SPATA17: variants seen among roughly 807,000 people sequenced by gnomAD.
SPATA17 encodes spermatogenesis-associated protein 17.
A neutral mutation model predicts 62.2 loss-of-function variants in SPATA17; 53 were observed. That is an observed-to-expected ratio of 0.85 (90% CI 0.68 to 1.07). The LOEUF is 1.07. Ranked by LOEUF, SPATA17 falls within the 50% of genes least tolerant of loss-of-function variation. The pLI, the probability that SPATA17 is intolerant of heterozygous loss-of-function variation, is 0.00. For synonymous variants in SPATA17, 146 were observed against 146.8 expected (o/e 0.99, Z 0.04); for missense variants, 466 against 425.5 (o/e 1.10, Z -0.84).
chr1:217,778,822 T>A (rs1048125944), intron 7 of SPATA17, among the ~76,000 whole-genome samples: 1 of 152,192 alleles, frequency 6.6e-6, no homozygotes, highest in Non-Finnish European at 1.5e-5. Flanking sequence ...TAATATACTT[T>A]TAATGATGTG....
At chr1:217,707,072 G>A (rs910878472) in intron 5 of SPATA17, among the ~76,000 whole-genome samples, 2 of 151,978 alleles carry the variant, frequency 1.3e-5, no homozygotes, top group Admixed American at 6.6e-5. Flanking sequence ...TCACCGTATT[G>A]GTCCGGCTTG....
Position 217,757,110 on chromosome 1 carries a change from A to T in SPATA17, c.519+15012A>T, listed in dbSNP as rs186085888. ...ATTAATATAGTTAATGGCAAAAGTG[A>T]GACATGATATTTGCCAAAGTGCTGT... On this transcript the variant is annotated intron_variant, in intron 6 of 10. Transcript: ENST00000366933. 1.5e-3 allele frequency among the ~76,000 whole-genome samples: 223 copies of T among 152,332 alleles called. 1 individual carries two copies. Among genetic ancestry groups the T allele is most frequent in the African/African-American group, 4.8e-3 (200 of 41,576 alleles).
At chr1:217,757,642 A>G (rs138108757) in intron 6 of SPATA17, among the ~76,000 whole-genome samples, 195 of 152,302 alleles carry the variant, frequency 1.3e-3, no homozygotes, top group African/African-American at 4.2e-3. Context: ...TAGGGTTGGC[A>G]AGGAAGCAAG....
chr1:217,735,182 C>T (rs764272641), intron 5 of SPATA17, among the ~76,000 whole-genome samples: 1 of 152,146 alleles, frequency 6.6e-6, no homozygotes, highest in East Asian at 1.9e-4. Flanking sequence ...CCTTCAGGAC[C>T]GGTCTTAGTC....
chr1:217,734,192 T>C (rs1289308399), intron 5 of SPATA17, among the ~76,000 whole-genome samples: 2 of 152,224 alleles, frequency 1.3e-5, no homozygotes, highest in Non-Finnish European at 2.9e-5. Context: ...TTTTATTGTA[T>C]TTTAGACTTA....
intron 6 of SPATA17, among the ~76,000 whole-genome samples, chr1:217,758,483 C>A (rs1394027475): frequency 6.6e-6 from 1 of 152,076 alleles, no homozygotes; most frequent in African/African-American, 2.4e-5. Flanking sequence ...GAGGGGAAAA[C>A]AGATACAGTG....
chr1:217,817,132 G>T (rs1484710338), intron 9 of SPATA17, among the ~76,000 whole-genome samples: 1 of 152,060 alleles, frequency 6.6e-6, no homozygotes, highest in Non-Finnish European at 1.5e-5. Flanking sequence ...ATTAAAAGAT[G>T]TCAAACTGGA....
chr1:217,649,335 C>T (rs1049900888), intron 2 of SPATA17, among the ~76,000 whole-genome samples: 11 of 151,872 alleles, frequency 7.2e-5, no homozygotes, highest in South Asian at 2.1e-4. Context: ...AAAAATTAGC[C>T]GGGCATGGTG....
At chr1:217,811,275 G>T (rs1674580200) in intron 9 of SPATA17, among the ~76,000 whole-genome samples, 1 of 151,992 alleles carries the variant, frequency 6.6e-6, no homozygotes, top group East Asian at 1.9e-4. Context: ...TCGAACTCAA[G>T]CCAAGGCTTC....
At chr1:217,637,558 C>CTAT (rs1669970311) in intron 1 of SPATA17, among the ~76,000 whole-genome samples, 1 of 152,158 alleles carries the variant, frequency 6.6e-6, no homozygotes, top group Non-Finnish European at 1.5e-5. Context: ...ATTTCAGGAT[C>CTAT]TATTATTCCT....
At chr1:217,865,427 C>G (rs1675989225) in intron 10 of SPATA17, among the ~76,000 whole-genome samples, 1 of 152,136 alleles carries the variant, frequency 6.6e-6, no homozygotes, top group Admixed American at 6.5e-5. Flanking sequence ...CATTAATGCT[C>G]TAAGATTTAA....
intron 8 of SPATA17, among the ~76,000 whole-genome samples, chr1:217,796,836 C>T (rs1041057704): frequency 2.6e-5 from 4 of 152,104 alleles, no homozygotes; most frequent in Admixed American, 1.3e-4. Flanking sequence ...TTAATACATA[C>T]GGTAAAGATG....
intron 5 of SPATA17, among the ~76,000 whole-genome samples, chr1:217,708,632 G>A (rs1181672966): frequency 1.3e-5 from 2 of 151,942 alleles, no homozygotes; most frequent in African/African-American, 4.8e-5. Context: ...GTATAAAGAA[G>A]AGCTGGTACC....
chr1:217,635,268 G>A (rs1276612439), intron 1 of SPATA17, among the ~76,000 whole-genome samples: 1 of 152,318 alleles, frequency 6.6e-6, no homozygotes, highest in Non-Finnish European at 1.5e-5. Context: ...GCCTTAGGAA[G>A]CCCTGATGTC....
rs543601103 is a variant in SPATA17, at chr1:217,644,545, G to A, written c.69-4337G>A. Among the ~76,000 whole-genome samples, 27 of 152,036 alleles carry A rather than the reference G, an allele frequency of 1.8e-4. No individual in the cohort carries two copies. The South Asian group carries it at 5.6e-3, about 32-fold the overall frequency. ...GTTTTTAATCTAGTATTTATTCATAGGTAATATACATGGGTCAGACTAAGC... is the reference window on the plus strand; with the variant it reads ...GTTTTTAATCTAGTATTTATTCATAAGTAATATACATGGGTCAGACTAAGC... On this transcript the variant is annotated intron_variant, in intron 1 of 10. Transcript: ENST00000366933.
rs1675785032 is a variant in SPATA17, at chr1:217,856,322, A to G, written c.1006-6452A>G. Among the ~76,000 whole-genome samples, 4 of 152,312 alleles carry G rather than the reference A, an allele frequency of 2.6e-5. No individual in the cohort carries two copies. The South Asian group carries it at 8.3e-4, about 32-fold the overall frequency. On this transcript the variant is annotated intron_variant, in intron 9 of 10. Transcript: ENST00000366933. Reference sequence around the variant, plus strand: ...CACATGGATAAACTCATGTATTCATACTTTCAGGTTATTTTATCTGTTTTC... The same window carrying G: ...CACATGGATAAACTCATGTATTCATGCTTTCAGGTTATTTTATCTGTTTTC...
At chr1:217,656,546 A>G (rs1183918189) in intron 3 of SPATA17, among the ~76,000 whole-genome samples, 1 of 150,508 alleles carries the variant, frequency 6.6e-6, no homozygotes, top group Admixed American at 6.6e-5. Context: ...TAGGTCTGAT[A>G]TATGTATGTA....
chr1:217,715,881 A>G (rs1209812414), intron 5 of SPATA17, among the ~76,000 whole-genome samples: 1 of 152,164 alleles, frequency 6.6e-6, no homozygotes, highest in Non-Finnish European at 1.5e-5. Context: ...CAAAATATTT[A>G]TATCAATATT....
intron 5 of SPATA17, among the ~76,000 whole-genome samples, chr1:217,706,626 T>C (rs1671743265): frequency 6.6e-6 from 1 of 152,216 alleles, no homozygotes; most frequent in South Asian, 2.1e-4. Context: ...TCCACAGTCA[T>C]GCAGAACTGT....
Sources: gnomAD v4.1 joint callset for allele counts (sites outside exome capture counted in the v4.1 genomes callset) on GRCh38, gnomAD v4.1.1 for gene constraint, MANE v1.5 for transcripts, NCBI Gene and HGNC (gene_info 2026-07-23, HGNC 2026-07-21) for gene names.